Variants in ADGRV1 observed in about 807,000 individuals in gnomAD.
The protein encoded by ADGRV1 is G-protein coupled receptor 98.
A neutral mutation model predicts 596.2 loss-of-function variants in ADGRV1; 359 were observed. The observed-to-expected ratio is 0.60, with a 90% CI of 0.55 to 0.66. The LOEUF (loss-of-function observed/expected upper bound fraction) is 0.66. Among genes scored for constraint, ADGRV1 ranks in the 30% least tolerant of loss-of-function variants. ADGRV1 has a pLI of 0.00. For missense variants in ADGRV1, 7,274 were observed against 7,575.6 expected, an observed-to-expected ratio of 0.96 and a Z score of 1.48; for synonymous variants, 2,681 against 2,679.2, an observed-to-expected ratio of 1.00 and a Z score of -0.02.
chr5:90,728,592 CA>C, intron 48 of ADGRV1, 76 bp from the exon 49 acceptor site: 2 of 1,172,902 alleles, frequency 1.7e-6, no homozygotes, highest in Non-Finnish European at 2.4e-6. Flanking sequence ...AGAGAGTAAA[CA>C]TATGGTATTG....
intron 25 of ADGRV1, 24 bp from the exon 26 acceptor site, chr5:90,679,525 G>A (rs189153792): frequency 6.4e-7 from 1 of 1,567,234 alleles, no homozygotes; most frequent in African/African-American, 1.3e-5. Flanking sequence ...TGTGTGGGTT[G>A]TGTCTCTGTG....
At chr5:90,887,649 C>T (rs1700954871) in intron 83 of ADGRV1, among the ~76,000 whole-genome samples, 1 of 151,908 alleles carries the variant, frequency 6.6e-6, no homozygotes, top group South Asian at 2.1e-4. Context: ...AGTGTAGGGC[C>T]AAGAAGTGTT....
At chr5:90,649,049 G>T (rs1768214940) in intron 17 of ADGRV1, among the ~76,000 whole-genome samples, 1 of 152,140 alleles carries the variant, frequency 6.6e-6, no homozygotes, top group Admixed American at 6.5e-5. Context: ...CTGTCACCAG[G>T]CTGGAGTGCA....
chr5:90,809,283 C>T (rs1031348141), intron 73 of ADGRV1, among the ~76,000 whole-genome samples: 1 of 131,458 alleles, frequency 7.6e-6, no homozygotes, highest in Admixed American at 8.6e-5. Context: ...TACTCTAGGC[C>T]GGGCATAAAT....
chr5:90,603,526 C>G (rs73179752), intron 1 of ADGRV1, among the ~76,000 whole-genome samples: 1 of 152,132 alleles, frequency 6.6e-6, no homozygotes, highest in Non-Finnish European at 1.5e-5. Flanking sequence ...ATTCCCTCCC[C>G]TGGGCCTCAT....
intron 85 of ADGRV1, among the ~76,000 whole-genome samples, chr5:91,027,239 CTA>C (rs1455221471): frequency 6.6e-6 from 1 of 150,922 alleles, no homozygotes; most frequent in African/African-American, 2.4e-5. Flanking sequence ...ATCTTCTAAT[CTA>C]TAAAACAAAT....
intron 83 of ADGRV1, among the ~76,000 whole-genome samples, chr5:90,911,054 A>G (rs556861790): frequency 6.6e-6 from 1 of 152,214 alleles, no homozygotes. Flanking sequence ...ATTTAATATT[A>G]AAAAACAGCG....
At chr5:90,653,067 C>A in intron 19 of ADGRV1, 142 bp from the exon 20 acceptor site, 1 of 731,076 alleles carries the variant, frequency 1.4e-6, no homozygotes, top group Non-Finnish European at 2.2e-6. Context: ...TGGTGAAAGC[C>A]ACATGGTGAC....
At chr5:90,633,510 T>A (rs1765763901) in intron 9 of ADGRV1, among the ~76,000 whole-genome samples, 2 of 152,114 alleles carry the variant, frequency 1.3e-5, no homozygotes, top group Non-Finnish European at 2.9e-5. Flanking sequence ...ATGACCAGTG[T>A]ATTTTAGAAA....
intron 86 of ADGRV1, among the ~76,000 whole-genome samples, chr5:91,085,155 C>A (rs1364256056): frequency 6.6e-6 from 1 of 152,140 alleles, no homozygotes; most frequent in Non-Finnish European, 1.5e-5. Context: ...GTGCAGCAAA[C>A]CAACATGGCA....
At position 90,802,860 on chromosome 5, in the gene ADGRV1, C is replaced by T. The variant is rs760644345; in HGVS notation, c.14639C>T (p.Ser4880Phe). 6.2e-7 allele frequency: 1 copy of T among 1,607,762 alleles called. No individual in the cohort carries two copies. The highest frequency in any genetic ancestry group is 8.5e-7 in the Non-Finnish European group (1 of 1,177,008). Residue 4880 changes from serine (S) to phenylalanine (F), a missense_variant, in exon 71 of 90, where the codon TCT (serine) becomes TTT (phenylalanine). By Grantham distance (155) the Ser-to-Phe change is radical. Coordinates refer to ENST00000405460, the MANE Select transcript of ADGRV1 (RefSeq NM_032119.4). ...QEAKSAVLPV[S>F]EKAANSQVGF... is the part of the protein sequence containing the mutation. ...GCAAAATCTGCTGTCCTTCCAGTCT[C>T]TGAGAAAGCTGCCAATTCTCAGGTA...
At chr5:90,809,414 A>G (rs1398823603) in intron 73 of ADGRV1, among the ~76,000 whole-genome samples, 1 of 152,134 alleles carries the variant, frequency 6.6e-6, no homozygotes, top group Non-Finnish European at 1.5e-5. Flanking sequence ...AGTCATAGAT[A>G]GATTATGCGA....
chr5:90,946,386 A>G (rs983149052), intron 83 of ADGRV1, among the ~76,000 whole-genome samples: 1 of 152,208 alleles, frequency 6.6e-6, no homozygotes, highest in African/African-American at 2.4e-5. Context: ...AAAAGATAAC[A>G]TAATGAATTG....
intron 86 of ADGRV1, among the ~76,000 whole-genome samples, chr5:91,088,010 T>C (rs1233801082): frequency 6.6e-6 from 1 of 152,168 alleles, no homozygotes; most frequent in Non-Finnish European, 1.5e-5. Flanking sequence ...TTAATTGAAT[T>C]TGACAGAGGC....
chr5:90,645,051 A>G (rs1210352571), intron 15 of ADGRV1, among the ~76,000 whole-genome samples, 182 bp downstream of exon 15: 7 of 152,244 alleles, frequency 4.6e-5, no homozygotes. Flanking sequence ...CCCTGAAGAC[A>G]TGTTGAACTC....
At chr5:90,685,149 A>G (rs778244100) in intron 28 of ADGRV1, among the ~76,000 whole-genome samples, 15 of 152,344 alleles carry the variant, frequency 9.8e-5, no homozygotes, top group Admixed American at 2.0e-4. Context: ...TTCTTTTGTT[A>G]TAAATTCTAT....
Position 90,725,106 on chromosome 5 carries a change from T to C in ADGRV1, c.9927T>C (p.Pro3309=). 1 of 1,538,932 alleles carries C rather than the reference T, an allele frequency of 6.5e-7. No individual in the cohort carries two copies. Residue 3309 remains proline (P), a synonymous_variant, in exon 47 of 90, where the codon CCT becomes CCC. Transcript: ENST00000405460. ...IPVEDLNIEN[P]KTCEAFNIGF... is the part of the protein sequence containing the mutation. ...TCTAGGATTTAAATATAGAAAATCC[T>C]AAAACTTGTGAGGCCTTTAATATTG...
chr5:91,029,356 A>G (rs1020193356), intron 85 of ADGRV1, among the ~76,000 whole-genome samples: 1 of 152,232 alleles, frequency 6.6e-6, no homozygotes, highest in African/African-American at 2.4e-5. Flanking sequence ...AGGTATGAAT[A>G]TGATACAATT....
rs972793570 is a variant in ADGRV1, at chr5:90,788,219, A to T, written c.13802A>T (p.Glu4601Val). ...ATTCTGACAATCTATCCTCATGAAG[A>T]AATTGAAGTTGAAGAGACATTCATT... ...TIILTIYPHE[E>V]IEVEETFIIK... The change falls in exon 68 of 90, where the codon GAA becomes GTA. Residue 4601 changes from glutamate to valine, a missense_variant. Transcript: ENST00000405460. The T allele has an allele frequency of 6.2e-7, 1 of 1,613,596 alleles. No individual in the cohort carries two copies. The highest frequency in any genetic ancestry group is 1.3e-5 in the African/African-American group (1 of 74,924).
Sources: gnomAD v4.1 joint callset for allele counts (sites outside exome capture counted in the v4.1 genomes callset) on GRCh38, gnomAD v4.1.1 for gene constraint, MANE v1.5 for transcripts, NCBI Gene and HGNC (gene_info 2026-07-23, HGNC 2026-07-21) for gene names.